PLEKHM3: variants seen among roughly 807,000 people sequenced by gnomAD.
PLEKHM3 encodes pleckstrin homology domain-containing family M member 3.
PLEKHM3 carries 45 observed loss-of-function variants against 81.8 expected under a neutral mutation model. That is an observed-to-expected ratio of 0.55 (90% CI 0.43 to 0.71). The LOEUF is 0.71. Ranked by LOEUF, PLEKHM3 falls within the 30% of genes least tolerant of loss-of-function variation. The pLI, the probability that PLEKHM3 is intolerant of heterozygous loss-of-function variation, is 0.00. For missense variants in PLEKHM3, 788 were observed against 924.3 expected, an observed-to-expected ratio of 0.85 and a Z score of 1.91; for synonymous variants, 352 against 356.4, an observed-to-expected ratio of 0.99 and a Z score of 0.14.
intron 3 of PLEKHM3, among the ~76,000 whole-genome samples, chr2:207,958,607 T>C (rs746746360): frequency 1.1e-4 from 16 of 152,152 alleles, no homozygotes; most frequent in East Asian, 1.9e-4. Context: ...CAGGGGAAGA[T>C]GTCTAATTAA....
chr2:207,948,598 C>T lies in PLEKHM3; in HGVS notation c.1547-2086G>A, dbSNP rs184370722. Among the ~76,000 whole-genome samples the T allele has an allele frequency of 7.0e-3, 1,022 of 146,502 alleles. 10 individuals are homozygous for T. The highest frequency in any genetic ancestry group is 0.024 in the African/African-American group (961 of 39,536). ...TTGCTCTGTCACCCAGGCTGGAGTGCGGTGGCGCGATTTCGGCTCGCTGCA... is the reference window on the plus strand; with the variant it reads ...TTGCTCTGTCACCCAGGCTGGAGTGTGGTGGCGCGATTTCGGCTCGCTGCA... On this transcript the variant is annotated intron_variant, in intron 3 of 7. Coordinates refer to ENST00000427836, the MANE Select transcript of PLEKHM3 (RefSeq NM_001080475.3).
intron 1 of PLEKHM3, among the ~76,000 whole-genome samples, chr2:208,025,113 G>A (rs538629281): frequency 3.3e-5 from 5 of 152,216 alleles, no homozygotes; most frequent in African/African-American, 1.2e-4. Flanking sequence ...TACTAATAAC[G>A]CACTCAACAA....
intron 3 of PLEKHM3, among the ~76,000 whole-genome samples, chr2:207,959,721 C>T (rs889715760): frequency 1.3e-5 from 2 of 152,198 alleles, no homozygotes; most frequent in Non-Finnish European, 2.9e-5. Flanking sequence ...TAGAGTAATT[C>T]TACTTGAGCC....
At chr2:207,968,365 G>A (rs1030880846) in intron 3 of PLEKHM3, among the ~76,000 whole-genome samples, 3 of 151,904 alleles carry the variant, frequency 2.0e-5, no homozygotes, top group East Asian at 1.9e-4. Flanking sequence ...GGGAACTAAC[G>A]ACAAAGTTTA....
rs554685172 is a variant in PLEKHM3 at position 207,924,454 on chromosome 2, G to T, written c.1886+6472C>A. 2.0e-4 allele frequency among the ~76,000 whole-genome samples: 30 copies of T among 152,050 alleles called. No homozygotes were observed. The South Asian group carries it at 6.2e-3, about 32-fold the overall frequency. ...AATCCCAGCACTTGGGGACGCCGAG[G>T]CAGGTGGATCACTTGAGGTCAGGAG... On this transcript the variant is annotated intron_variant, in intron 5 of 7. Coordinates refer to ENST00000427836, the MANE Select transcript of PLEKHM3 (RefSeq NM_001080475.3).
intron 6 of PLEKHM3, among the ~76,000 whole-genome samples, chr2:207,882,880 T>C (rs1251400597): frequency 6.6e-6 from 1 of 151,924 alleles, no homozygotes; most frequent in Non-Finnish European, 1.5e-5. Context: ...TCCCAAGTAG[T>C]TGGGATTACA....
At chr2:207,954,568 T>C (rs1690443321) in intron 3 of PLEKHM3, among the ~76,000 whole-genome samples, 1 of 152,222 alleles carries the variant, frequency 6.6e-6, no homozygotes, top group Non-Finnish European at 1.5e-5. Flanking sequence ...AGATTATACT[T>C]GCAGAACTAA....
chr2:207,872,977 A>G (rs2092542785), intron 6 of PLEKHM3, among the ~76,000 whole-genome samples: 1 of 152,206 alleles, frequency 6.6e-6, no homozygotes, highest in Non-Finnish European at 1.5e-5. Flanking sequence ...AAACTAAAGA[A>G]ATATGGCTTT....
intron 6 of PLEKHM3, among the ~76,000 whole-genome samples, chr2:207,862,499 G>T (rs1400726046): frequency 6.6e-6 from 1 of 152,034 alleles, no homozygotes; most frequent in Non-Finnish European, 1.5e-5. Context: ...TTAGCCGGGC[G>T]TGGTGGCAGG....
intron 3 of PLEKHM3, among the ~76,000 whole-genome samples, chr2:207,975,145 T>C (rs1359233579): frequency 1.3e-5 from 2 of 152,118 alleles, no homozygotes; most frequent in African/African-American, 2.4e-5. Context: ...GCTTCTTAAC[T>C]GGCTCAGTGT....
At chr2:208,002,672 C>T (rs552719949) in intron 1 of PLEKHM3, among the ~76,000 whole-genome samples, 17 of 152,176 alleles carry the variant, frequency 1.1e-4, no homozygotes, top group African/African-American at 4.1e-4. Context: ...AACTCAAGTT[C>T]CAAACCTTAC....
At chr2:207,923,410 C>A (rs1360353100) in intron 5 of PLEKHM3, among the ~76,000 whole-genome samples, 6 of 152,004 alleles carry the variant, frequency 3.9e-5, no homozygotes, top group African/African-American at 1.4e-4. Flanking sequence ...GAGTTCAAGA[C>A]CAGCCTGACA....
intron 1 of PLEKHM3, among the ~76,000 whole-genome samples, chr2:208,021,087 T>C (rs1261091877): frequency 6.6e-6 from 1 of 152,250 alleles, no homozygotes; most frequent in African/African-American, 2.4e-5. Flanking sequence ...AAAGGCTATA[T>C]ACAAGATTAA....
intron 2 of PLEKHM3, among the ~76,000 whole-genome samples, chr2:207,990,751 C>A (rs1473738970): frequency 1.3e-5 from 2 of 152,166 alleles, no homozygotes; most frequent in East Asian, 3.9e-4. Context: ...AGATGGTATT[C>A]CACAGATATT....
Position 207,824,446 on chromosome 2 carries a change from G to A in PLEKHM3, c.*3873C>T, listed in dbSNP as rs2092237250. The A allele has an allele frequency of 6.6e-6, 1 of 152,204 alleles. No homozygotes were observed. Among genetic ancestry groups the A allele is most frequent in the Admixed American group, 6.5e-5 (1 of 15,286 alleles). 9.4% of individuals were successfully genotyped at this position (152,204 alleles called of 1,614,324 possible). ...CAGATCAACGGAGATGAATAATTGT[G>A]CACAAATACACGAGCAACAGCATTG... On this transcript the variant is annotated 3_prime_UTR_variant, in exon 8 of 8. Coordinates refer to ENST00000427836, the MANE Select transcript of PLEKHM3 (RefSeq NM_001080475.3).
intron 4 of PLEKHM3, among the ~76,000 whole-genome samples, chr2:207,936,642 T>C (rs1382677311): frequency 6.6e-6 from 1 of 152,248 alleles, no homozygotes; most frequent in Non-Finnish European, 1.5e-5. Context: ...ACGACCCTAA[T>C]TGAGGGCAAC....
At position 207,828,164 on chromosome 2, in the gene PLEKHM3, G is replaced by GT; in HGVS notation, c.*154dup. On this transcript the variant is annotated 3_prime_UTR_variant, in exon 8 of 8. Transcript: ENST00000427836. ...CAGAGCATACGTACAGGACGTATAGGTATTTGCGTATATATAAATAAATAT... is the reference window on the plus strand; with the variant it reads ...CAGAGCATACGTACAGGACGTATAGGTTATTTGCGTATATATAAATAAATAT... 1 of 543,202 alleles carries GT rather than the reference G, an allele frequency of 1.8e-6. No individual in the cohort carries two copies. The allele number at this position is 543,202 out of a possible 1,614,324, so 33.6% of individuals were successfully genotyped here.
intron 2 of PLEKHM3, among the ~76,000 whole-genome samples, chr2:207,990,519 A>G (rs1352497584): frequency 6.6e-6 from 1 of 152,176 alleles, no homozygotes; most frequent in Non-Finnish European, 1.5e-5. Flanking sequence ...ATAGTACTCG[A>G]CTATGTTCAA....
intron 5 of PLEKHM3, among the ~76,000 whole-genome samples, chr2:207,913,808 G>GACAC (rs760114933): frequency 6.6e-5 from 10 of 151,898 alleles, no homozygotes; most frequent in Non-Finnish European, 1.5e-4. Context: ...AAAAGCTGAA[G>GACAC]ACACAAAAGT....
Sources: gnomAD v4.1 joint callset for allele counts (sites outside exome capture counted in the v4.1 genomes callset) on GRCh38, gnomAD v4.1.1 for gene constraint, MANE v1.5 for transcripts, NCBI Gene and HGNC (gene_info 2026-07-23, HGNC 2026-07-21) for gene names.